The following POR variants were observed in gnomAD, a reference collection of about 807,000 sequenced individuals.
POR encodes NADPH--cytochrome P450 reductase.
Under a neutral mutation model 84.0 loss-of-function variants are expected in POR, and 56 were observed. The ratio of observed to expected loss-of-function variants is 0.67; its 90% CI spans 0.54 to 0.83. POR has a LOEUF of 0.83. Among genes scored for constraint, POR ranks in the 40% least tolerant of loss-of-function variants. The probability of loss-of-function intolerance (pLI) is 0.00; values close to 1 mark genes in which losing one functional copy is unlikely to be tolerated. For missense variants in POR, 938 were observed against 944.3 expected, an observed-to-expected ratio of 0.99 and a Z score of 0.09; for synonymous variants, 414 against 400.5, an observed-to-expected ratio of 1.03 and a Z score of -0.40.
chr7:75,945,987 G>A (rs1787156954), intron 1 of POR, among the ~76,000 whole-genome samples: 1 of 152,134 alleles, frequency 6.6e-6, no homozygotes, highest in Non-Finnish European at 1.5e-5. Flanking sequence ...AGCTGGTGAG[G>A]CTCCTGCCAG....
At chr7:75,980,252 A>G in intron 4 of POR, 87 bp from the exon 5 acceptor site, 1 of 1,494,630 alleles carries the variant, frequency 6.7e-7, no homozygotes, top group Non-Finnish European at 9.1e-7. Flanking sequence ...CACCCTGGGC[A>G]GGACCTGGCC....
chr7:75,980,522 T>G, intron 5 of POR, 34 bp downstream of exon 5: 1 of 1,612,494 alleles, frequency 6.2e-7, no homozygotes, highest in Non-Finnish European at 8.5e-7. Context: ...GGGCTCCCGG[T>G]GGCCTGCGGT....
intron 1 of POR, among the ~76,000 whole-genome samples, chr7:75,937,310 A>G (rs1291005348): frequency 1.3e-5 from 2 of 150,482 alleles, no homozygotes; most frequent in African/African-American, 4.9e-5. Context: ...AAAAAAAACA[A>G]AAAAACCAAA....
intron 1 of POR, among the ~76,000 whole-genome samples, chr7:75,927,918 C>T (rs540088998): frequency 6.6e-4 from 99 of 151,006 alleles, no homozygotes; most frequent in African/African-American, 2.2e-3. Context: ...TGATCTTGCC[C>T]TCCTCGGCCT....
chr7:75,967,897 A>T (rs1267270286), intron 2 of POR: 2 of 370,370 alleles, frequency 5.4e-6, no homozygotes, highest in South Asian at 1.9e-5. Context: ...GAGCTCAGGG[A>T]AATTCCGAGA....
intron 2 of POR, among the ~76,000 whole-genome samples, chr7:75,969,165 A>G (rs1297084461): frequency 1.3e-5 from 2 of 152,236 alleles, no homozygotes; most frequent in African/African-American, 4.8e-5. Flanking sequence ...ACCTTGTGCC[A>G]TGGATGTCTT....
chr7:75,951,223 C>T (rs1448910394), intron 1 of POR, among the ~76,000 whole-genome samples: 2 of 151,860 alleles, frequency 1.3e-5, no homozygotes, highest in Non-Finnish European at 2.9e-5. Context: ...GGTGAAACCC[C>T]GTCTCTACTA....
chr7:75,983,723 C>T lies in POR; in HGVS notation c.948-15C>T. On this transcript the variant is annotated splice_polypyrimidine_tract_variant and intron_variant, in intron 9 of 15. Coordinates refer to ENST00000461988, the MANE Select transcript of POR (RefSeq NM_000941.3). ...CCAGCCTTCCGCCCCTCCCGAGCCT[C>T]ACATCTCCCTCCAGGTATGAATCTG... is the stretch of plus-strand genomic sequence containing the variant. The T allele has an allele frequency of 6.2e-7, 1 of 1,611,512 alleles. No individual in the cohort carries two copies. The highest frequency in any genetic ancestry group is 8.5e-7 in the Non-Finnish European group (1 of 1,178,818).
chr7:75,953,283 C>T (rs1787532729), intron 1 of POR, among the ~76,000 whole-genome samples: 2 of 112,804 alleles, frequency 1.8e-5, no homozygotes, highest in African/African-American at 3.3e-5. Flanking sequence ...AGTCCAGCTT[C>T]GGCTGGGCAT....
At chr7:75,938,311 G>A (rs928626978) in intron 1 of POR, among the ~76,000 whole-genome samples, 1 of 152,216 alleles carries the variant, frequency 6.6e-6, no homozygotes. Flanking sequence ...TGATATTAGG[G>A]GTGCAGGCAT....
chr7:75,917,383 C>CTTTT (rs373478392), intron 1 of POR, among the ~76,000 whole-genome samples: 1 of 115,262 alleles, frequency 8.7e-6, no homozygotes, highest in Non-Finnish European at 1.6e-5. Flanking sequence ...ATTTCTTCTT[C>CTTTT]TTTTTTTTTT....
At chr7:75,984,064 C>T (rs1789253715) in intron 10 of POR, among the ~76,000 whole-genome samples, 1 of 152,180 alleles carries the variant, frequency 6.6e-6, no homozygotes, top group Non-Finnish European at 1.5e-5. Context: ...GTTCCCCCTA[C>T]CCCGTCACTG....
intron 8 of POR, among the ~76,000 whole-genome samples, chr7:75,982,639 A>C (rs1554558288): frequency 1.3e-5 from 2 of 152,006 alleles, no homozygotes; most frequent in Non-Finnish European, 2.9e-5. Context: ...TTTTCTTAGA[A>C]TCTATCTCCA....
At chr7:75,942,082 G>T (rs913055515) in intron 1 of POR, among the ~76,000 whole-genome samples, 2 of 151,940 alleles carry the variant, frequency 1.3e-5, no homozygotes, top group African/African-American at 4.8e-5. Flanking sequence ...AGTTAGCTGG[G>T]CATGGTGGGT....
At chr7:75,916,923 C>G (rs1806597477) in intron 1 of POR, among the ~76,000 whole-genome samples, 1 of 152,122 alleles carries the variant, frequency 6.6e-6, no homozygotes, top group African/African-American at 2.4e-5. Context: ...CCACCCTTAA[C>G]CCCTTGAAAA....
At chr7:75,983,088 C>A (rs1563432375) in intron 8 of POR, among the ~76,000 whole-genome samples, 1 of 152,208 alleles carries the variant, frequency 6.6e-6, no homozygotes, top group Non-Finnish European at 1.5e-5. Flanking sequence ...CAGCTCTAAT[C>A]CCAGCACTCT....
Position 75,985,692 on chromosome 7 carries a change from GGA to G in POR, c.1515_1516del (p.Asn506ArgfsTer68), listed in dbSNP as rs1554559114. The G allele has an allele frequency of 6.3e-7, 1 of 1,590,968 alleles. No homozygotes were observed. The highest frequency in any genetic ancestry group is 8.5e-7 in the Non-Finnish European group (1 of 1,170,460). On this transcript the variant is annotated frameshift_variant, in exon 13 of 16. Coordinates refer to ENST00000461988, the MANE Select transcript of POR (RefSeq NM_000941.3). LOFTEE classifies it high-confidence loss of function. ...GGCTGCGGGCCAAGGAGCCTGCCGGGGAGAACGGCGGCCGTGCGCTGGTGCCC... is the reference window on the plus strand; with the variant it reads ...GGCTGCGGGCCAAGGAGCCTGCCGGGGAACGGCGGCCGTGCGCTGGTGCCC...
intron 3 of POR, among the ~76,000 whole-genome samples, chr7:75,973,652 A>C (rs1554556480): frequency 8.5e-6 from 1 of 117,116 alleles, no homozygotes; most frequent in East Asian, 2.7e-4. Context: ...GTGGCATACT[A>C]TGTGCACTGT....
intron 2 of POR, among the ~76,000 whole-genome samples, chr7:75,965,589 T>C (rs782594955): frequency 6.6e-6 from 1 of 152,158 alleles, no homozygotes; most frequent in Non-Finnish European, 1.5e-5. Context: ...TCTGAGGGTA[T>C]GGCCTTTTCT....
Sources: allele counts gnomAD v4.1 joint callset (sites outside exome capture counted in the v4.1 genomes callset), GRCh38; gene constraint gnomAD v4.1.1; transcripts MANE v1.5; gene names NCBI Gene and HGNC (gene_info 2026-07-23, HGNC 2026-07-21).